Variants in LAMC1 observed in about 807,000 individuals in gnomAD.
The protein encoded by LAMC1 is laminin subunit gamma 1.
LAMC1 carries 38 observed loss-of-function variants against 173.6 expected under a neutral mutation model. That is an observed-to-expected ratio of 0.22 (90% CI 0.17 to 0.29). The LOEUF (loss-of-function observed/expected upper bound fraction) is 0.29, where lower values mean the gene tolerates loss of function less well. LAMC1 is among the 10% of genes least tolerant of loss of function. The probability of loss-of-function intolerance (pLI) is 1.00; values close to 1 mark genes in which losing one functional copy is unlikely to be tolerated. For synonymous variants in LAMC1, 746 were observed against 749.1 expected (o/e 1.00, Z 0.07); for missense variants, 1,824 against 2,051.8 (o/e 0.89, Z 2.14).
At chr1:183,118,324 G>T (rs532505405) in intron 11 of LAMC1, among the ~76,000 whole-genome samples, 178 bp downstream of exon 11, 1 of 152,166 alleles carries the variant, frequency 6.6e-6, no homozygotes, top group South Asian at 2.1e-4. Flanking sequence ...CAAGGACCTG[G>T]AAAAAATTTG....
intron 4 of LAMC1, among the ~76,000 whole-genome samples, chr1:183,111,949 G>T (rs1340203898): frequency 6.6e-6 from 1 of 152,210 alleles, no homozygotes; most frequent in Non-Finnish European, 1.5e-5. Context: ...TGAGGCAGGA[G>T]AATTGCTTGA....
chr1:183,082,922 A>G (rs1655323912), intron 1 of LAMC1, among the ~76,000 whole-genome samples: 1 of 152,160 alleles, frequency 6.6e-6, no homozygotes, highest in Admixed American at 6.5e-5. Flanking sequence ...CATCATTTGT[A>G]ATGTTGTGAT....
intron 11 of LAMC1, among the ~76,000 whole-genome samples, chr1:183,120,406 A>G (rs1656439069): frequency 6.6e-6 from 1 of 152,184 alleles, no homozygotes; most frequent in East Asian, 1.9e-4. Flanking sequence ...CAATAAAGCC[A>G]TATCTCATGA....
At chr1:183,049,611 G>C (rs1462597476) in intron 1 of LAMC1, among the ~76,000 whole-genome samples, 1 of 151,900 alleles carries the variant, frequency 6.6e-6, no homozygotes, top group Non-Finnish European at 1.5e-5. Flanking sequence ...TTACAGGCAT[G>C]TGCCACCATG....
chr1:183,100,074 C>T (rs754325000), intron 1 of LAMC1, among the ~76,000 whole-genome samples: 2 of 152,148 alleles, frequency 1.3e-5, no homozygotes, highest in Non-Finnish European at 2.9e-5. Context: ...GTACTAACAG[C>T]GACAAGTTGA....
intron 1 of LAMC1, among the ~76,000 whole-genome samples, chr1:183,082,386 T>C (rs34721094): frequency 0.34 from 51,328 of 152,032 alleles, 9,684 homozygotes; most frequent in East Asian, 0.48. Flanking sequence ...ATGAGAGTAG[T>C]AATGCTTTCG....
intron 1 of LAMC1, among the ~76,000 whole-genome samples, chr1:183,094,962 CAGCCTCCTGAGA>C (rs1008060756): frequency 1.3e-5 from 2 of 152,082 alleles, no homozygotes; most frequent in Non-Finnish European, 2.9e-5. Context: ...TCTCCTGCCT[CAGCCTCCTGAGA>C]AGCTAGGATT....
At chr1:183,123,310 G>T (rs1230757115) in intron 13 of LAMC1, among the ~76,000 whole-genome samples, 1 of 152,022 alleles carries the variant, frequency 6.6e-6, no homozygotes, top group Non-Finnish European at 1.5e-5. Context: ...CTCTCACCTG[G>T]GATTGCCTAA....
intron 22 of LAMC1, 88 bp downstream of exon 22, chr1:183,133,638 T>A: frequency 8.1e-7 from 1 of 1,235,076 alleles, no homozygotes; most frequent in Non-Finnish European, 1.1e-6. Context: ...CCCTCTGTCC[T>A]CCCACTGACT....
chr1:183,130,717 A>G (rs1000017980), intron 19 of LAMC1, among the ~76,000 whole-genome samples, 168 bp downstream of exon 19: 1 of 152,214 alleles, frequency 6.6e-6, no homozygotes, highest in Non-Finnish European at 1.5e-5. Flanking sequence ...TTGGCATGAA[A>G]CAGTTATTAA....
At chr1:183,062,813 G>A (rs903507214) in intron 1 of LAMC1, among the ~76,000 whole-genome samples, 1 of 152,112 alleles carries the variant, frequency 6.6e-6, no homozygotes, top group Non-Finnish European at 1.5e-5. Flanking sequence ...AATTAGCTGT[G>A]CTTGGTGGTG....
chr1:183,132,249 G>A (rs1006152865), intron 20 of LAMC1, 151 bp from the exon 21 acceptor site: 9 of 506,394 alleles, frequency 1.8e-5, no homozygotes, highest in Middle Eastern at 5.6e-4. Flanking sequence ...CCAAGATCAC[G>A]CCACTGCACA....
chr1:183,124,731 C>T lies in LAMC1; in HGVS notation c.2502C>T (p.Ile834=), dbSNP rs1447663482. 19 of 1,614,246 alleles carry T rather than the reference C, an allele frequency of 1.2e-5. No homozygotes were observed. The highest frequency in any genetic ancestry group is 1.4e-5 in the Non-Finnish European group (17 of 1,180,052). ...LCRLCQCSDN[I]DPNAVGNCNR... is the part of the protein sequence containing the mutation. ...GCCTGTGCCAGTGCAGTGACAACAT[C>T]GATCCCAATGCAGTTGGAAATTGCA... Residue 834 remains isoleucine, a synonymous_variant, in exon 14 of 28, where the codon ATC becomes ATT. Coordinates refer to ENST00000258341, the MANE Select transcript of LAMC1 (RefSeq NM_002293.4).
At chr1:183,042,285 A>G (rs1411870129) in intron 1 of LAMC1, among the ~76,000 whole-genome samples, 1 of 152,080 alleles carries the variant, frequency 6.6e-6, no homozygotes, top group African/African-American at 2.4e-5. Context: ...GTGCTTTCCA[A>G]TTGGGAAGAT....
At chr1:183,059,697 A>C (rs1332609605) in intron 1 of LAMC1, among the ~76,000 whole-genome samples, 3 of 152,180 alleles carry the variant, frequency 2.0e-5, no homozygotes, top group Non-Finnish European at 4.4e-5. Context: ...ATTATAAGAT[A>C]GGTAAAACAG....
intron 20 of LAMC1, among the ~76,000 whole-genome samples, chr1:183,131,789 A>G (rs1299543853): frequency 6.6e-6 from 1 of 152,230 alleles, no homozygotes; most frequent in Non-Finnish European, 1.5e-5. Flanking sequence ...TTATATGTAC[A>G]TTACTCTCAA....
intron 26 of LAMC1, chr1:183,138,219 A>T: frequency 1.0e-6 from 1 of 975,410 alleles, no homozygotes; most frequent in Non-Finnish European, 1.2e-6. Flanking sequence ...AGTTTCTTGT[A>T]TATAAGAAAT....
intron 1 of LAMC1, among the ~76,000 whole-genome samples, chr1:183,047,219 A>G (rs1457203999): frequency 6.6e-6 from 1 of 152,206 alleles, no homozygotes; most frequent in Admixed American, 6.5e-5. Flanking sequence ...ATTTCTATTC[A>G]TAAAATTCAC....
In LAMC1 at chr1:183,103,638, T is replaced by G; in HGVS notation, c.723+6T>G. The G allele has an allele frequency of 1.3e-6, 2 of 1,528,038 alleles. No individual in the cohort carries two copies. Among genetic ancestry groups the G allele is most frequent in the Non-Finnish European group, 1.8e-6 (2 of 1,138,822 alleles). 94.7% of individuals were successfully genotyped at this position (1,528,038 alleles called of 1,614,324 possible). On this transcript the variant is annotated splice_donor_region_variant and intron_variant, in intron 2 of 27. Coordinates refer to ENST00000258341, the MANE Select transcript of LAMC1 (RefSeq NM_002293.4). ...ACAATAGCCCTGTGCTGCAGGTAAA[T>G]TCTCACAGGTTGGCCTGAAGCCAGC...
Sources: allele counts gnomAD v4.1 joint callset (sites outside exome capture counted in the v4.1 genomes callset), GRCh38; gene constraint gnomAD v4.1.1; transcripts MANE v1.5; gene names NCBI Gene and HGNC (gene_info 2026-07-23, HGNC 2026-07-21).